Variants in QTMAN observed in about 807,000 individuals in gnomAD.
The protein encoded by QTMAN is queuosine-tRNA mannosyltransferase, also known as tRNA-queuosine alpha-mannosyltransferase.
chr2:144,299,488 T>A, the QTMAN span, among the ~76,000 whole-genome samples: 1 of 152,184 alleles, frequency 6.6e-6, no homozygotes, highest in East Asian at 1.9e-4. Context: ...ATATATATAT[T>A]TTGGAAACCT....
the QTMAN span, among the ~76,000 whole-genome samples, chr2:144,198,419 G>T: frequency 6.6e-6 from 1 of 152,076 alleles, no homozygotes; most frequent in South Asian, 2.1e-4. Context: ...GGTACAGTTG[G>T]TTCATCTCAA....
At chr2:144,115,265 A>C in the QTMAN span, among the ~76,000 whole-genome samples, 5 of 150,758 alleles carry the variant, frequency 3.3e-5, no homozygotes, top group African/African-American at 4.9e-5. Context: ...ACAACAACAA[A>C]AACTGAAATC....
chr2:144,086,846 T>C, the QTMAN span, among the ~76,000 whole-genome samples: 53 of 152,308 alleles, frequency 3.5e-4, 2 homozygotes, highest in East Asian at 2.5e-3. Flanking sequence ...ATTTGTTCCT[T>C]TTCTCCTTTT....
At chr2:144,131,913 T>A in the QTMAN span, among the ~76,000 whole-genome samples, 2 of 152,062 alleles carry the variant, frequency 1.3e-5, no homozygotes, top group East Asian at 3.9e-4. Flanking sequence ...ACATAAAGTG[T>A]GTGCCCAGAA....
the QTMAN span, among the ~76,000 whole-genome samples, chr2:144,065,763 T>A: frequency 8.1e-6 from 1 of 123,798 alleles, no homozygotes; most frequent in Non-Finnish European, 1.7e-5. Flanking sequence ...AGAAAATAAC[T>A]TTTTTTTTTT....
At chr2:144,050,048 T>C in the QTMAN span, among the ~76,000 whole-genome samples, 21 of 152,282 alleles carry the variant, frequency 1.4e-4, no homozygotes, top group African/African-American at 5.1e-4. Flanking sequence ...AACAAATCTA[T>C]ATATTTTATT....
the QTMAN span, among the ~76,000 whole-genome samples, chr2:144,095,462 C>T: frequency 5.9e-5 from 9 of 152,074 alleles, no homozygotes; most frequent in Non-Finnish European, 1.0e-4. Context: ...TAATAATAAA[C>T]AATAATAAAG....
chr2:143,979,698 C>T, the QTMAN span, among the ~76,000 whole-genome samples: 2 of 152,132 alleles, frequency 1.3e-5, no homozygotes, highest in African/African-American at 4.8e-5. Flanking sequence ...TATAACAGAA[C>T]ATCTATCTAC....
the QTMAN span, among the ~76,000 whole-genome samples, chr2:144,094,418 C>A: frequency 6.6e-6 from 1 of 152,088 alleles, no homozygotes; most frequent in Non-Finnish European, 1.5e-5. Flanking sequence ...CATACTGCTA[C>A]GAAGAAATAT....
chr2:144,065,762 C>CT, the QTMAN span, among the ~76,000 whole-genome samples: 2,528 of 132,458 alleles, frequency 0.019, 40 homozygotes, highest in African/African-American at 0.053. Flanking sequence ...AAGAAAATAA[C>CT]TTTTTTTTTT....
the QTMAN span, among the ~76,000 whole-genome samples, chr2:144,125,566 C>T: frequency 1.4e-3 from 212 of 152,116 alleles, no homozygotes; most frequent in African/African-American, 4.9e-3. Flanking sequence ...GACTGTGCTG[C>T]ACTGTATAAT....
At chr2:144,033,316 C>T in the QTMAN span, among the ~76,000 whole-genome samples, 20 of 152,280 alleles carry the variant, frequency 1.3e-4, no homozygotes, top group East Asian at 2.7e-3. Context: ...TTCCCACAAC[C>T]CCTCTTTGGG....
the QTMAN span, among the ~76,000 whole-genome samples, chr2:144,019,970 G>C: frequency 6.6e-6 from 1 of 152,032 alleles, no homozygotes; most frequent in Non-Finnish European, 1.5e-5. Flanking sequence ...AACAAGCGCT[G>C]TCTCTGAACA....
At chr2:144,241,043 C>A in the QTMAN span, among the ~76,000 whole-genome samples, 1 of 152,200 alleles carries the variant, frequency 6.6e-6, no homozygotes, top group Admixed American at 6.5e-5. Context: ...TTTATAGACA[C>A]TACTCAGGGT....
At chr2:144,141,828 C>T in the QTMAN span, 1 of 1,333,872 alleles carries the variant, frequency 7.5e-7, no homozygotes, top group Non-Finnish European at 1.0e-6. Flanking sequence ...AATTTTTATA[C>T]ATTTGAGGAA....
the QTMAN span, among the ~76,000 whole-genome samples, chr2:143,955,252 C>T: frequency 6.6e-6 from 1 of 152,078 alleles, no homozygotes; most frequent in Non-Finnish European, 1.5e-5. Context: ...TAAGTGACAC[C>T]GGAGGAGAGT....
the QTMAN span, among the ~76,000 whole-genome samples, chr2:144,094,882 T>G: frequency 6.6e-6 from 1 of 152,234 alleles, no homozygotes; most frequent in Non-Finnish European, 1.5e-5. Flanking sequence ...TGAGACATAG[T>G]GGGGCAGTCT....
At chr2:143,987,044 A>C in the QTMAN span, among the ~76,000 whole-genome samples, 1 of 152,178 alleles carries the variant, frequency 6.6e-6, no homozygotes, top group Non-Finnish European at 1.5e-5. Context: ...GCTATGGAAA[A>C]ACTTCCTCCA....
chr2:144,310,020 G>C, the QTMAN span, among the ~76,000 whole-genome samples: 1 of 121,678 alleles, frequency 8.2e-6, no homozygotes, highest in African/African-American at 3.2e-5. Flanking sequence ...GAAAGAAAAA[G>C]GTCATAAAAA....
Sources: allele counts gnomAD v4.1 joint callset (sites outside exome capture counted in the v4.1 genomes callset), GRCh38; gene constraint gnomAD v4.1.1; transcripts MANE v1.5; gene names NCBI Gene and HGNC (gene_info 2026-07-23, HGNC 2026-07-21).